The following TENM3 variants were observed in gnomAD, a reference collection of about 807,000 sequenced individuals.
The protein encoded by TENM3 is teneurin transmembrane protein 3.
A neutral mutation model predicts 255.1 loss-of-function variants in TENM3; 63 were observed. That is an observed-to-expected ratio of 0.25 (90% CI 0.20 to 0.30). The LOEUF is 0.30. Ranked by LOEUF, TENM3 falls within the 10% of genes least tolerant of loss-of-function variation. The pLI is 1.00. For synonymous variants in TENM3, 1,306 were observed against 1,322.3 expected, an observed-to-expected ratio of 0.99 and a Z score of 0.27; for missense variants, 2,929 against 3,461.1, an observed-to-expected ratio of 0.85 and a Z score of 3.86.
chr4:182,503,050 G>T (rs2151664362), intron 3 of TENM3, among the ~76,000 whole-genome samples: 1 of 151,370 alleles, frequency 6.6e-6, no homozygotes, highest in African/African-American at 2.4e-5. Flanking sequence ...CTGCTAATGA[G>T]ATTGAGAAAG....
At chr4:181,632,345 T>TC in the TENM3 span, among the ~76,000 whole-genome samples, 2 of 152,138 alleles carry the variant, frequency 1.3e-5, no homozygotes, top group South Asian at 4.2e-4. Flanking sequence ...ACCAGGTCCC[T>TC]CCCCTGACAT....
At chr4:182,051,419 C>G in the TENM3 span, among the ~76,000 whole-genome samples, 224 of 150,358 alleles carry the variant, frequency 1.5e-3, 1 homozygote, top group African/African-American at 5.2e-3. Flanking sequence ...GCTCTTTCGC[C>G]CAGGCCAGAC....
At chr4:182,213,514 A>C (rs906171980) in intron 1 of TENM3, among the ~76,000 whole-genome samples, 12 of 152,192 alleles carry the variant, frequency 7.9e-5, no homozygotes, top group Admixed American at 5.9e-4. Context: ...GGTTGTTTCA[A>C]ATGTGCTTAA....
the TENM3 span, among the ~76,000 whole-genome samples, chr4:181,998,028 C>T: frequency 0.042 from 6,369 of 152,286 alleles, 243 homozygotes; most frequent in Non-Finnish European, 0.065. Flanking sequence ...AAAAAAGAGA[C>T]AACTTGTTTG....
chr4:182,222,743 TTC>T (rs1755919405), intron 1 of TENM3, among the ~76,000 whole-genome samples: 1 of 152,230 alleles, frequency 6.6e-6, no homozygotes, highest in Non-Finnish European at 1.5e-5. Context: ...TAGTGATTTA[TTC>T]TTTTTTATTA....
chr4:182,091,825 C>T, the TENM3 span, among the ~76,000 whole-genome samples: 1 of 152,142 alleles, frequency 6.6e-6, no homozygotes, highest in Non-Finnish European at 1.5e-5. Flanking sequence ...AGACTCCTAC[C>T]CCTAGCATCA....
At chr4:182,111,542 G>T in the TENM3 span, among the ~76,000 whole-genome samples, 2 of 152,142 alleles carry the variant, frequency 1.3e-5, no homozygotes, top group South Asian at 2.1e-4. Flanking sequence ...ATGGATGCAC[G>T]TGCAATGGAA....
chr4:181,613,027 T>G, the TENM3 span, among the ~76,000 whole-genome samples: 1 of 152,226 alleles, frequency 6.6e-6, no homozygotes, highest in Non-Finnish European at 1.5e-5. Context: ...TCTAACATTT[T>G]ATTTGTTCTA....
intron 2 of TENM3, among the ~76,000 whole-genome samples, chr4:182,325,041 C>G (rs1763301193): frequency 6.6e-6 from 1 of 152,046 alleles, no homozygotes; most frequent in Non-Finnish European, 1.5e-5. Context: ...CTAATACAGT[C>G]TTGAGATGTG....
At chr4:181,826,521 T>A in the TENM3 span, among the ~76,000 whole-genome samples, 249 of 152,348 alleles carry the variant, frequency 1.6e-3, 1 homozygote, top group African/African-American at 5.8e-3. Context: ...AATCTCTAGA[T>A]AAATTTGAAT....
the TENM3 span, among the ~76,000 whole-genome samples, chr4:181,564,035 TTTTTC>T: frequency 2.5e-4 from 21 of 83,078 alleles, no homozygotes; most frequent in Admixed American, 8.7e-4. Flanking sequence ...TTTCTTTTCT[TTTTTC>T]TTTTTTTTTT....
At chr4:182,157,751 G>A (rs1034626985) in intron 1 of TENM3, among the ~76,000 whole-genome samples, 12 of 152,270 alleles carry the variant, frequency 7.9e-5, no homozygotes, top group African/African-American at 2.9e-4. Context: ...AAAAAGACAA[G>A]ACTTTGACCA....
intron 6 of TENM3, among the ~76,000 whole-genome samples, chr4:182,666,836 G>A (rs534996772): frequency 6.6e-6 from 1 of 152,108 alleles, no homozygotes; most frequent in East Asian, 1.9e-4. Flanking sequence ...GGAGATTGAG[G>A]CTGCAGTGAG....
chr4:182,705,913 C>T (rs938790563), intron 12 of TENM3, among the ~76,000 whole-genome samples: 1 of 152,080 alleles, frequency 6.6e-6, no homozygotes, highest in Non-Finnish European at 1.5e-5. Flanking sequence ...TTCCAAACTT[C>T]GGATTTTTTA....
the TENM3 span, among the ~76,000 whole-genome samples, chr4:181,510,175 A>C: frequency 6.6e-6 from 1 of 152,256 alleles, no homozygotes; most frequent in Non-Finnish European, 1.5e-5. Context: ...GATGCTGAAA[A>C]GTTAGACCAT....
intron 3 of TENM3, among the ~76,000 whole-genome samples, chr4:182,507,002 C>T (rs1037710206): frequency 1.3e-5 from 2 of 152,070 alleles, no homozygotes; most frequent in South Asian, 2.1e-4. Context: ...ATTCATGATC[C>T]GTGAAGCCTC....
At chr4:182,648,287 T>TG (rs1262076271) in intron 5 of TENM3, among the ~76,000 whole-genome samples, 1 of 91,832 alleles carries the variant, frequency 1.1e-5, no homozygotes, top group South Asian at 4.2e-4. Flanking sequence ...ACTTTTAAGT[T>TG]GTTTTTTTTT....
the TENM3 span, among the ~76,000 whole-genome samples, chr4:182,004,153 T>C: frequency 3.3e-5 from 5 of 152,094 alleles, no homozygotes; most frequent in Admixed American, 1.3e-4. Context: ...GCTTATTACA[T>C]AGGTATACAT....
intron 1 of TENM3, among the ~76,000 whole-genome samples, chr4:182,247,171 A>T (rs1757706974): frequency 6.6e-6 from 1 of 152,222 alleles, no homozygotes; most frequent in Non-Finnish European, 1.5e-5. Flanking sequence ...AGGGAAGGCA[A>T]TGTGTTTCTC....
Sources: gnomAD v4.1 joint callset for allele counts (sites outside exome capture counted in the v4.1 genomes callset) on GRCh38, gnomAD v4.1.1 for gene constraint, MANE v1.5 for transcripts, NCBI Gene and HGNC (gene_info 2026-07-23, HGNC 2026-07-21) for gene names.